Variants in PIGN observed in about 807,000 individuals in gnomAD.
PIGN encodes the protein GPI ethanolamine phosphate transferase 1.
A neutral mutation model predicts 125.4 loss-of-function variants in PIGN; 117 were observed. That is an observed-to-expected ratio of 0.93 (90% confidence interval 0.80 to 1.09). The LOEUF (loss-of-function observed/expected upper bound fraction) is 1.09, where lower values mean the gene tolerates loss of function less well. Among genes scored for constraint, PIGN ranks in the 50% least tolerant of loss-of-function variants. The pLI is 0.00. For synonymous variants in PIGN, 392 were observed against 377.8 expected, an observed-to-expected ratio of 1.04 and a Z score of -0.44; for missense variants, 1,075 against 1,094.9, an observed-to-expected ratio of 0.98 and a Z score of 0.26.
At chr18:62,180,438 G>T (rs966590775) in intron 1 of PIGN, among the ~76,000 whole-genome samples, 1 of 152,120 alleles carries the variant, frequency 6.6e-6, no homozygotes, top group Non-Finnish European at 1.5e-5. Context: ...CTGGCAAAGT[G>T]TCCATACTAA....
At position 62,024,006 on chromosome 18, in the gene PIGN, A is replaced by C. The variant is rs190500709; in HGVS notation, c.2143-6265T>G. 9.4e-4 allele frequency among the ~76,000 whole-genome samples: 143 copies of C among 152,332 alleles called. 1 individual carries two copies. The highest frequency in any genetic ancestry group is 2.9e-3 in the Admixed American group (45 of 15,302). ...AGCATAGCGGCTGAAATTCATGCAT[A>C]TCAGAACTGTGGGAAGTAAGGATGC... is the stretch of plus-strand genomic sequence containing the variant. On this transcript the variant is annotated intron_variant, in intron 23 of 24. Transcript: ENST00000639600.
intron 14 of PIGN, among the ~76,000 whole-genome samples, chr18:62,133,935 G>A (rs77780186): frequency 0.013 from 2,043 of 152,074 alleles, 39 homozygotes; most frequent in African/African-American, 0.046. Context: ...TAGTTATTCC[G>A]GTACTTGCCT....
In PIGN at chr18:62,138,270, G is replaced by T. The variant is rs756101712; in HGVS notation, c.1145C>A (p.Thr382Asn). 15 of 1,547,062 alleles carry T rather than the reference G, an allele frequency of 9.7e-6. No individual in the cohort carries two copies. In the African/African-American group the frequency reaches 1.4e-4, roughly 14 times the overall value. Residue 382 changes from threonine to asparagine, a missense_variant, in exon 14 of 31, where the codon ACT becomes AAT. Coordinates refer to ENST00000640252, the MANE Select transcript of PIGN (RefSeq NM_176787.5). ...AAATGGTGTAAACAAAAATGGTAAA[G>T]TAACTTCTTTCTTCTGAGTCATTTT... is the stretch of plus-strand genomic sequence containing the variant. ...KVKMTQKKEV[T>N]LPFLFTPFKL...
intron 19 of PIGN, 34 bp downstream of exon 19, chr18:62,106,755 C>T (rs1468810780): frequency 1.5e-6 from 2 of 1,378,166 alleles, no homozygotes; most frequent in East Asian, 4.7e-5. Flanking sequence ...AAAGTAGTTA[C>T]TAATCTGTCC....
intron 14 of PIGN, among the ~76,000 whole-genome samples, chr18:62,135,152 A>G (rs1645556419): frequency 6.6e-6 from 1 of 152,158 alleles, no homozygotes; most frequent in Non-Finnish European, 1.5e-5. Context: ...TTTTTAATGC[A>G]TCTAGTACCT....
intron 30 of PIGN, chr18:62,070,580 A>G: frequency 2.5e-6 from 1 of 397,294 alleles, no homozygotes; most frequent in Non-Finnish European, 4.4e-6. Context: ...ATTCCTGGCA[A>G]CACAAAGTGA....
chr18:62,037,757 G>C (rs1027933553), downstream of PIGN, among the ~76,000 whole-genome samples: 1 of 152,150 alleles, frequency 6.6e-6, no homozygotes, highest in African/African-American at 2.4e-5. Flanking sequence ...TGTTGCTTTT[G>C]CTGAAGAAAA....
intron 28 of PIGN, among the ~76,000 whole-genome samples, chr18:62,078,230 G>A: frequency 6.6e-6 from 1 of 152,198 alleles, no homozygotes; most frequent in South Asian, 2.1e-4. Context: ...GAGGGTGGAA[G>A]GATTCTGGAG....
intron 7 of PIGN, among the ~76,000 whole-genome samples, chr18:62,151,960 A>G (rs1227263199): frequency 1.3e-5 from 2 of 152,224 alleles, no homozygotes; most frequent in Non-Finnish European, 2.9e-5. Flanking sequence ...GCCATGGCCC[A>G]TGACACAGTG....
At chr18:62,179,653 G>A (rs1436365677) in intron 1 of PIGN, among the ~76,000 whole-genome samples, 2 of 152,132 alleles carry the variant, frequency 1.3e-5, no homozygotes, top group Non-Finnish European at 2.9e-5. Context: ...GGCTGAGGCA[G>A]GAGGATTGCT....
intron 14 of PIGN, among the ~76,000 whole-genome samples, chr18:62,132,961 A>G (rs912564398): frequency 2.6e-5 from 4 of 152,188 alleles, no homozygotes; most frequent in African/African-American, 9.7e-5. Context: ...TCCCAAACTT[A>G]TGAGAGTTTG....
chr18:62,159,104 C>T (rs1385772650), intron 4 of PIGN, among the ~76,000 whole-genome samples: 2 of 152,020 alleles, frequency 1.3e-5, no homozygotes, highest in East Asian at 1.9e-4. Context: ...ATTAGCCGGG[C>T]GTGGTGGCAC....
chr18:62,061,953 C>T (rs1237398473), intron 30 of PIGN, among the ~76,000 whole-genome samples: 1 of 152,242 alleles, frequency 6.6e-6, no homozygotes, highest in East Asian at 1.9e-4. Context: ...GCCTTTTCCT[C>T]GCAATAAACT....
chr18:62,154,783 A>G, intron 6 of PIGN, 132 bp from the exon 7 acceptor site: 1 of 620,998 alleles, frequency 1.6e-6, no homozygotes, highest in Non-Finnish European at 2.8e-6. Flanking sequence ...ATGATGGGGA[A>G]GAGAAAAATG....
At chr18:62,031,164 A>G (rs2030189115) in intron 23 of PIGN, among the ~76,000 whole-genome samples, 1 of 152,138 alleles carries the variant, frequency 6.6e-6, no homozygotes, top group Non-Finnish European at 1.5e-5. Flanking sequence ...AATAAGTCTC[A>G]CAAGTTCTGA....
At chr18:62,062,882 CTTTTTTTTTT>C (rs71160811) in intron 30 of PIGN, among the ~76,000 whole-genome samples, 69 of 21,056 alleles carry the variant, frequency 3.3e-3, no homozygotes, top group African/African-American at 0.013. Flanking sequence ...TTGTATTCTG[CTTTTTTTTTT>C]TTTTTTTTTT....
chr18:62,181,504 T>C (rs1258160834), intron 1 of PIGN, among the ~76,000 whole-genome samples: 13 of 152,176 alleles, frequency 8.5e-5, no homozygotes, highest in Admixed American at 8.5e-4. Flanking sequence ...CTAAGCTTCC[T>C]GGGCTAAGTC....
At chr18:62,153,467 A>C (rs1040200124) in intron 7 of PIGN, 1 of 152,226 alleles carries the variant, frequency 6.6e-6, no homozygotes, top group Non-Finnish European at 1.5e-5. Context: ...TACATTCACA[A>C]GGAATCAATT....
At chr18:62,168,742 A>G (rs957476424) in intron 1 of PIGN, among the ~76,000 whole-genome samples, 1 of 152,166 alleles carries the variant, frequency 6.6e-6, no homozygotes, top group Admixed American at 6.5e-5. Context: ...TGACCAAAAA[A>G]CTGTACATAA....
Sources: gnomAD v4.1 joint callset for allele counts (sites outside exome capture counted in the v4.1 genomes callset) on GRCh38, gnomAD v4.1.1 for gene constraint, MANE v1.5 for transcripts, NCBI Gene and HGNC (gene_info 2026-07-23, HGNC 2026-07-21) for gene names.